Variants in MAP6 observed in about 807,000 individuals in gnomAD.
MAP6 encodes the protein microtubule associated protein 6, also known as microtubule-associated protein 6.
In MAP6, 26 loss-of-function variants were observed where a neutral mutation model predicts 42.4. The observed-to-expected ratio is 0.61, with a 90% CI of 0.45 to 0.85. The LOEUF (loss-of-function observed/expected upper bound fraction) is 0.85. MAP6 is among the 40% of genes least tolerant of loss of function. The pLI is 0.00. For missense variants in MAP6, 966 were observed against 1,099.0 expected (o/e 0.88, Z 1.71); for synonymous variants, 418 against 443.8 (o/e 0.94, Z 0.73).
chr11:75,657,594 A>C (rs571741631), intron 1 of MAP6, among the ~76,000 whole-genome samples: 9 of 152,350 alleles, frequency 5.9e-5, no homozygotes, highest in African/African-American at 2.2e-4. Flanking sequence ...TAGCTACTGC[A>C]ACAAATTACC....
intron 1 of MAP6, among the ~76,000 whole-genome samples, chr11:75,665,081 T>A (rs1051298213): frequency 2.6e-5 from 4 of 152,184 alleles, no homozygotes; most frequent in Non-Finnish European, 4.4e-5. Flanking sequence ...AATTTAAAAA[T>A]TTTTTTGAGG....
At position 75,635,303 on chromosome 11, in the gene MAP6, T is replaced by C. The variant is rs192778243; in HGVS notation, c.906-26981A>G. Among the ~76,000 whole-genome samples, 79 of 152,306 alleles carry C rather than the reference T, an allele frequency of 5.2e-4. 1 individual carries two copies. The East Asian group carries it at 0.015, about 29-fold the overall frequency. On this transcript the variant is annotated intron_variant, in intron 1 of 3. Coordinates refer to ENST00000304771, the MANE Select transcript of MAP6 (RefSeq NM_033063.2). ...CAGAACGTGTCTGAGCCTCATTTTA[T>C]TAAAGTGAAAAGGGAAAAATGTACC...
intron 1 of MAP6, among the ~76,000 whole-genome samples, chr11:75,626,452 C>G (rs1487464686): frequency 6.6e-6 from 1 of 152,010 alleles, no homozygotes; most frequent in Admixed American, 6.6e-5. Context: ...ATGATGTGGC[C>G]CGGGAGGTAT....
chr11:75,660,331 T>C (rs1484371902), intron 1 of MAP6, among the ~76,000 whole-genome samples: 2 of 152,182 alleles, frequency 1.3e-5, no homozygotes, highest in African/African-American at 4.8e-5. Flanking sequence ...CTCCCTAAAC[T>C]TTCAGATCCA....
chr11:75,598,493 A>C (rs1056180697), intron 3 of MAP6, among the ~76,000 whole-genome samples: 1 of 152,216 alleles, frequency 6.6e-6, no homozygotes, highest in East Asian at 1.9e-4. Flanking sequence ...TAAAGTACAG[A>C]GGTATGCAGG....
intron 1 of MAP6, among the ~76,000 whole-genome samples, chr11:75,623,310 G>A (rs1001270986): frequency 2.0e-5 from 3 of 152,160 alleles, no homozygotes; most frequent in Admixed American, 2.0e-4. Flanking sequence ...AGTGGTTGCC[G>A]AGGCTTGTGA....
At chr11:75,595,150 C>T (rs1285991168) in intron 3 of MAP6, among the ~76,000 whole-genome samples, 1 of 152,234 alleles carries the variant, frequency 6.6e-6, no homozygotes, top group African/African-American at 2.4e-5. Flanking sequence ...GCTCGCACTG[C>T]CTGGGGTGGG....
Position 75,667,525 on chromosome 11 carries a change from G to A in MAP6, c.845C>T (p.Ala282Val). ...GPEAGRGRAAADALNRQIREE... is the reference protein window; with the variant it reads ...GPEAGRGRAAVDALNRQIREE... ...GCGGATTTGCCGGTTGAGGGCGTCC[G>A]CCGCGGCGCGCCCCCTGCCAGCCTC... is the stretch of plus-strand genomic sequence containing the variant. Residue 282 changes from alanine to valine, a missense_variant, in exon 1 of 4, where the codon GCG becomes GTG. By Grantham distance (64) the Ala-to-Val change is moderately conservative. This residue lies in a region of MAP6 where 943 missense variants were observed against 1,049.9 expected (regional missense o/e 0.90). Coordinates refer to ENST00000304771, the MANE Select transcript of MAP6 (RefSeq NM_033063.2). The surrounding 1 kb of genome is among the most constrained non-coding windows in gnomAD (Gnocchi z 5.6). 1.3e-6 allele frequency: 2 copies of A among 1,497,766 alleles called. No homozygotes were observed. The highest frequency in any genetic ancestry group is 1.8e-6 in the Non-Finnish European group (2 of 1,132,154). 92.8% of individuals were successfully genotyped at this position (1,497,766 alleles called of 1,614,324 possible).
At chr11:75,594,337 G>A (rs1590751711) in intron 3 of MAP6, 2 of 152,172 alleles carry the variant, frequency 1.3e-5, no homozygotes, top group Admixed American at 6.5e-5. Flanking sequence ...CATGGGCCCC[G>A]TACATGTGCT....
chr11:75,630,903 G>T (rs1228469761), intron 1 of MAP6, among the ~76,000 whole-genome samples: 2 of 152,172 alleles, frequency 1.3e-5, no homozygotes, highest in Non-Finnish European at 2.9e-5. Flanking sequence ...AAATTCCACT[G>T]TTCTTACCCT....
chr11:75,607,515 A>C, intron 2 of MAP6: 2 of 985,452 alleles, frequency 2.0e-6, no homozygotes, highest in Non-Finnish European at 2.4e-6. Flanking sequence ...GTCCACTTTC[A>C]CAAACTGTTC....
chr11:75,623,488 C>T (rs549688347), intron 1 of MAP6, among the ~76,000 whole-genome samples: 1 of 152,306 alleles, frequency 6.6e-6, no homozygotes, highest in East Asian at 1.9e-4. Context: ...TTTCCTGACA[C>T]CCCTCCCTTT....
chr11:75,668,185 G>A lies in MAP6; in HGVS notation c.185C>T (p.Ala62Val). 1.6e-6 allele frequency: 2 copies of A among 1,236,164 alleles called. No homozygotes were observed. The highest frequency in any genetic ancestry group is 2.0e-6 in the Non-Finnish European group (2 of 996,618). The allele number at this position is 1,236,164 out of a possible 1,614,324, so 76.6% of individuals were successfully genotyped here. The part of the protein sequence containing the change: ...QAQPALAPPS[A>V]RAVAIETQPA... ...CTGCGTCTCTATGGCAACCGCGCGCGCCGAGGGGGGCGCGAGCGCCGGCTG... is the reference window on the plus strand; with the variant it reads ...CTGCGTCTCTATGGCAACCGCGCGCACCGAGGGGGGCGCGAGCGCCGGCTG... The change falls in exon 1 of 4, where the codon GCG becomes GTG. Residue 62 changes from alanine (A) to valine (V), a missense_variant. By Grantham distance (64) the Ala-to-Val change is moderately conservative. Transcript: ENST00000304771.
At chr11:75,650,577 T>C (rs955611843) in intron 1 of MAP6, among the ~76,000 whole-genome samples, 2 of 152,220 alleles carry the variant, frequency 1.3e-5, no homozygotes, top group African/African-American at 4.8e-5. Flanking sequence ...TCTTGGTGTC[T>C]AGACTGGTGT....
chr11:75,587,802 G>A lies in MAP6; in HGVS notation c.1699C>T (p.Pro567Ser), dbSNP rs1341190363. ...GGAGCTTGATTCTTCACAGGCTCAG[G>A]AATCCTAGGACCTTGATCCTTTAGA... is the stretch of plus-strand genomic sequence containing the variant. ...ESLKDQGPRI[P>S]EPVKNQAPMV... is the part of the protein sequence containing the mutation. The change falls in exon 4 of 4, where the codon CCT becomes TCT. Residue 567 changes from proline (P) to serine (S), a missense_variant. Transcript: ENST00000304771. 1 of 1,613,982 alleles carries A rather than the reference G, an allele frequency of 6.2e-7. No individual in the cohort carries two copies. The highest frequency in any genetic ancestry group is 2.2e-5 in the East Asian group (1 of 44,884).
intron 1 of MAP6, among the ~76,000 whole-genome samples, chr11:75,644,905 G>T (rs149376532): frequency 6.6e-6 from 1 of 152,246 alleles, no homozygotes; most frequent in African/African-American, 2.4e-5. Context: ...GAGCTCCAAA[G>T]AAAGAGAATC....
At chr11:75,607,959 C>G (rs1942809639) in intron 2 of MAP6, 150 bp downstream of exon 2, 1 of 696,440 alleles carries the variant, frequency 1.4e-6, no homozygotes, top group East Asian at 2.7e-5. Context: ...GAAGATGGCC[C>G]TGGGTCTCAG....
chr11:75,608,005 C>G, intron 2 of MAP6, 104 bp downstream of exon 2: 1 of 1,075,256 alleles, frequency 9.3e-7, no homozygotes, highest in Non-Finnish European at 1.4e-6. Flanking sequence ...TAAAGGTGCC[C>G]GTGGAGGCTG....
chr11:75,667,709 CG>C lies in MAP6; in HGVS notation c.660del (p.Gly221GlufsTer77). The C allele has an allele frequency of 7.8e-7, 1 of 1,284,148 alleles. No individual in the cohort carries two copies. Among genetic ancestry groups the C allele is most frequent in the Admixed American group, 3.9e-5 (1 of 25,468 alleles). 79.5% of individuals were successfully genotyped at this position (1,284,148 alleles called of 1,614,324 possible). A position where few individuals can be genotyped will look rare whatever the true frequency, so the allele number is the denominator to read the frequency against. On this transcript the variant is annotated frameshift_variant, in exon 1 of 4. Transcript: ENST00000304771. LOFTEE classifies it high-confidence loss of function. This position sits in a 1 kb window ranked among gnomAD's most constrained non-coding sequence, Gnocchi z 5.6. ...AEAREQEAAP[G>X]GAGGLAAGKA... ...TTTCCGGCCGCCAGGCCACCCGCTC[CG>C]CCGGGGGCCGCCTCCTGCTCCCGGG... is the stretch of plus-strand genomic sequence containing the variant.
Sources: allele counts gnomAD v4.1 joint callset (sites outside exome capture counted in the v4.1 genomes callset), GRCh38; gene constraint gnomAD v4.1.1; regional missense constraint gnomAD v4.1.1; non-coding constraint Gnocchi (gnomAD v3.1); transcripts MANE v1.5; gene names NCBI Gene and HGNC (gene_info 2026-07-23, HGNC 2026-07-21).